NTRK2: variants seen among roughly 807,000 people sequenced by gnomAD.
NTRK2 encodes BDNF/NT-3 growth factors receptor.
Under a neutral mutation model 94.5 loss-of-function variants are expected in NTRK2, and 13 were observed. That is an observed-to-expected ratio of 0.14 (90% confidence interval 0.09 to 0.22). The LOEUF is 0.22. Among genes scored for constraint, NTRK2 ranks in the 10% least tolerant of loss-of-function variants. The pLI is 1.00. For missense variants in NTRK2, 639 were observed against 1,071.2 expected, an observed-to-expected ratio of 0.60 and a Z score of 5.63; for synonymous variants, 372 against 407.4, an observed-to-expected ratio of 0.91 and a Z score of 1.05.
At chr9:84,706,809 C>A (rs148689248) in intron 4 of NTRK2, among the ~76,000 whole-genome samples, 1 of 151,956 alleles carries the variant, frequency 6.6e-6, no homozygotes, top group African/African-American at 2.4e-5. Flanking sequence ...GGATTACAGG[C>A]GTGAGCCACC....
chr9:84,846,582 A>G (rs2074484689), intron 12 of NTRK2, among the ~76,000 whole-genome samples: 3 of 152,234 alleles, frequency 2.0e-5, no homozygotes. Flanking sequence ...ATGTATATTA[A>G]AAGTGATAAA....
intron 17 of NTRK2, among the ~76,000 whole-genome samples, chr9:84,964,472 G>A (rs987204277): frequency 1.1e-4 from 17 of 152,320 alleles, no homozygotes; most frequent in African/African-American, 3.6e-4. Flanking sequence ...CTTCGGCCAT[G>A]AATAGTATCC....
At chr9:84,920,631 G>A (rs929070454) in intron 14 of NTRK2, among the ~76,000 whole-genome samples, 13 of 152,158 alleles carry the variant, frequency 8.5e-5, no homozygotes, top group African/African-American at 3.1e-4. Flanking sequence ...TCTACTCTAT[G>A]TTTCATGCAT....
At chr9:84,983,557 T>C (rs1827916842) in intron 17 of NTRK2, among the ~76,000 whole-genome samples, 1 of 152,200 alleles carries the variant, frequency 6.6e-6, no homozygotes, top group African/African-American at 2.4e-5. Context: ...GTACAAATCA[T>C]TTGAAGATCT....
intron 12 of NTRK2, among the ~76,000 whole-genome samples, chr9:84,829,615 T>C (rs983157408): frequency 9.2e-5 from 14 of 152,180 alleles, no homozygotes; most frequent in African/African-American, 3.4e-4. Context: ...TCCGCCTGTT[T>C]GCATGCTGGG....
At chr9:84,754,364 T>A (rs1213952580) in intron 12 of NTRK2, among the ~76,000 whole-genome samples, 1 of 152,120 alleles carries the variant, frequency 6.6e-6, no homozygotes, top group East Asian at 1.9e-4. Flanking sequence ...TGGGGCATGA[T>A]GTGAATAAAA....
At position 84,670,709 on chromosome 9, in the gene NTRK2, G is replaced by C. The variant is rs772401529; in HGVS notation, c.-40G>C. On this transcript the variant is annotated 5_prime_UTR_variant, in exon 2 of 19. Coordinates refer to ENST00000277120, the MANE Select transcript of NTRK2 (RefSeq NM_006180.6). ...CGGGTGGGGGAAAGCGGCCGGTGCA[G>C]CGCGGGGACAGGCACTCGGGCTGGC... 6.2e-7 allele frequency: 1 copy of C among 1,600,466 alleles called. No homozygotes were observed. Among genetic ancestry groups the C allele is most frequent in the Non-Finnish European group, 8.5e-7 (1 of 1,172,822 alleles).
At chr9:84,973,966 G>A (rs749051883) in intron 17 of NTRK2, among the ~76,000 whole-genome samples, 24 of 133,798 alleles carry the variant, frequency 1.8e-4, no homozygotes, top group Non-Finnish European at 3.0e-4. Context: ...TTTCTTTGTC[G>A]ACTGTTTATG....
chr9:84,730,750 A>AAG, intron 9 of NTRK2, among the ~76,000 whole-genome samples: 1 of 114,186 alleles, frequency 8.8e-6, no homozygotes, highest in African/African-American at 4.4e-5. Context: ...CAAAAAAAAA[A>AAG]AAAAAAAAAA....
chr9:84,756,742 T>C (rs2065120770), intron 12 of NTRK2, among the ~76,000 whole-genome samples: 1 of 152,220 alleles, frequency 6.6e-6, no homozygotes, highest in Non-Finnish European at 1.5e-5. Context: ...GATTCTTGTA[T>C]GTAAACTCCC....
At chr9:84,831,010 G>A (rs976475164) in intron 12 of NTRK2, among the ~76,000 whole-genome samples, 1 of 152,112 alleles carries the variant, frequency 6.6e-6, no homozygotes. Context: ...TCTTCATGGA[G>A]TTAACATTTG....
intron 10 of NTRK2, 25 bp from the exon 11 acceptor site, chr9:84,744,948 C>A (rs1437329109): frequency 1.3e-6 from 2 of 1,529,746 alleles, no homozygotes; most frequent in Non-Finnish European, 1.8e-6. Flanking sequence ...CATGTTCTTC[C>A]TCATTCCCCC....
chr9:84,813,706 G>T, intron 12 of NTRK2: 1 of 1,066,108 alleles, frequency 9.4e-7, no homozygotes, highest in Non-Finnish European at 1.1e-6. Context: ...CTACTCCCGT[G>T]TGGCCAGAGA....
At chr9:84,952,952 C>A (rs1823658843) in intron 16 of NTRK2, among the ~76,000 whole-genome samples, 1 of 152,116 alleles carries the variant, frequency 6.6e-6, no homozygotes, top group African/African-American at 2.4e-5. Context: ...AAGGCTGTGG[C>A]CAATCAACAA....
chr9:84,897,469 C>T (rs2076793145), intron 14 of NTRK2, among the ~76,000 whole-genome samples: 1 of 152,188 alleles, frequency 6.6e-6, no homozygotes, highest in Non-Finnish European at 1.5e-5. Context: ...TGCCCTACTT[C>T]CCCCAGGGGT....
At chr9:84,919,496 T>C (rs1012752158) in intron 14 of NTRK2, among the ~76,000 whole-genome samples, 3 of 152,338 alleles carry the variant, frequency 2.0e-5, no homozygotes, top group South Asian at 4.1e-4. Context: ...TGACAAGTCA[T>C]GTAGCCTTGA....
At chr9:84,906,996 A>G (rs544126451) in intron 14 of NTRK2, among the ~76,000 whole-genome samples, 9 of 152,342 alleles carry the variant, frequency 5.9e-5, no homozygotes, top group South Asian at 2.1e-4. Context: ...ATTCAAAAGA[A>G]TCTACTATGC....
intron 12 of NTRK2, among the ~76,000 whole-genome samples, chr9:84,839,032 C>A (rs1314150027): frequency 6.6e-6 from 1 of 151,998 alleles, no homozygotes; most frequent in Non-Finnish European, 1.5e-5. Flanking sequence ...AAATAAATGA[C>A]CTCACTTTCT....
intron 9 of NTRK2, among the ~76,000 whole-genome samples, chr9:84,730,803 A>G (rs2062831777): frequency 6.8e-6 from 1 of 147,956 alleles, no homozygotes; most frequent in Admixed American, 6.7e-5. Flanking sequence ...AAAAAAAAAA[A>G]AAAAATCCCT....
Sources: gnomAD v4.1 joint callset for allele counts (sites outside exome capture counted in the v4.1 genomes callset) on GRCh38, gnomAD v4.1.1 for gene constraint, MANE v1.5 for transcripts, NCBI Gene and HGNC (gene_info 2026-07-23, HGNC 2026-07-21) for gene names.